Variants in WAPL observed in about 807,000 individuals in gnomAD.
WAPL encodes the protein WAPL cohesin release factor.
In WAPL, 5 loss-of-function variants were observed where a neutral mutation model predicts 121.0. The ratio of observed to expected loss-of-function variants is 0.04; its 90% confidence interval spans 0.02 to 0.09. The LOEUF is 0.09. Ranked by LOEUF, WAPL falls within the 10% of genes least tolerant of loss-of-function variation. The pLI, the probability that WAPL is intolerant of heterozygous loss-of-function variation, is 1.00. For missense variants in WAPL, 999 were observed against 1,410.8 expected, an observed-to-expected ratio of 0.71 and a Z score of 4.68; for synonymous variants, 480 against 481.5, an observed-to-expected ratio of 1.00 and a Z score of 0.04.
chr10:86,453,153 T>G, intron 14 of WAPL, 67 bp downstream of exon 14: 1 of 1,394,982 alleles, frequency 7.2e-7, no homozygotes, highest in East Asian at 2.8e-5. Context: ...AAACCCAAAC[T>G]AAGGTTAACA....
rs1227852424 is a variant in WAPL at position 86,472,168 on chromosome 10, A to T, written c.2030+40T>A. 14 of 1,514,536 alleles carry T rather than the reference A, an allele frequency of 9.2e-6. No homozygotes were observed. Among genetic ancestry groups the T allele is most frequent in the East Asian group, 2.4e-5 (1 of 41,940 alleles). 93.8% of individuals were successfully genotyped at this position (1,514,536 alleles called of 1,614,324 possible). ...ACACCTAGTTGAAAAAATTTAATACAGCATGCACATAATTGTAAAATATAA... is the reference window on the plus strand; with the variant it reads ...ACACCTAGTTGAAAAAATTTAATACTGCATGCACATAATTGTAAAATATAA... On this transcript the variant is annotated intron_variant, in intron 7 of 18. Coordinates refer to ENST00000298767, the MANE Select transcript of WAPL (RefSeq NM_015045.5). This position sits in a 1 kb window ranked among gnomAD's most constrained non-coding sequence, Gnocchi z 4.2.
At chr10:86,470,421 A>C (rs1054269427) in intron 8 of WAPL, among the ~76,000 whole-genome samples, 22 of 152,226 alleles carry the variant, frequency 1.4e-4, no homozygotes, top group Non-Finnish European at 1.5e-5. Flanking sequence ...CCATCTCAAA[A>C]TACTACTAAT....
At chr10:86,499,603 T>C (rs1162563625) in intron 3 of WAPL, 115 bp downstream of exon 3, 2 of 1,005,802 alleles carry the variant, frequency 2.0e-6, no homozygotes, top group African/African-American at 3.3e-5. Context: ...CTTATTATAC[T>C]GTACTCACCT....
At chr10:86,483,755 T>G (rs1040959249) in intron 4 of WAPL, among the ~76,000 whole-genome samples, 1 of 145,724 alleles carries the variant, frequency 6.9e-6, no homozygotes. Context: ...GGCTGGTGTA[T>G]CTTAAGTTTT....
rs1425658543 is a variant in WAPL, at chr10:86,521,756, C to T, written c.-414G>A. ...CTCAACGCCATTTGCGCTCCCGGCC[C>T]CCACCTCCTTCCTCCAACAGCCGCT... On this transcript the variant is annotated 5_prime_UTR_variant, in exon 1 of 19. Coordinates refer to ENST00000298767, the MANE Select transcript of WAPL (RefSeq NM_015045.5). 2.2e-6 allele frequency: 1 copy of T among 445,548 alleles called. No individual in the cohort carries two copies. 27.6% of individuals were successfully genotyped at this position (445,548 alleles called of 1,614,324 possible). A position where few individuals can be genotyped will look rare whatever the true frequency, so the allele number is the denominator to read the frequency against.
Position 86,500,503 on chromosome 10 carries a change from C to G in WAPL, c.740G>C (p.Arg247Thr), listed in dbSNP as rs777416367. The G allele has an allele frequency of 2.0e-5, 33 of 1,614,032 alleles. No homozygotes were observed. Among genetic ancestry groups the G allele is most frequent in the Admixed American group, 1.7e-4 (10 of 59,980 alleles). The change falls in exon 3 of 19, where the codon AGA (arginine) becomes ACA (threonine). Residue 247 changes from arginine to threonine, a missense_variant. By Grantham distance (71) the Arg-to-Thr change is moderately conservative. This residue lies in a region of WAPL where 531 missense variants were observed against 563.1 expected (regional missense o/e 0.94). Coordinates refer to ENST00000298767, the MANE Select transcript of WAPL (RefSeq NM_015045.5). ...FEWDNDFEDIRSEDCILSLDS... is the reference protein window; with the variant it reads ...FEWDNDFEDITSEDCILSLDS... ...CAAACTTAAAATACAGTCTTCTGAT[C>G]TGATATCTTCAAAATCATTATCCCA...
Position 86,500,217 on chromosome 10 carries a change from T to C in WAPL, c.1026A>G (p.Val342=), listed in dbSNP as rs577953412. 3.1e-6 allele frequency: 5 copies of C among 1,614,180 alleles called. No homozygotes were observed. Among genetic ancestry groups the C allele is most frequent in the Admixed American group, 1.7e-5 (1 of 60,024 alleles). The stretch of plus-strand genomic sequence containing the variant: ...TCCCTCTAAAACTGGTCCCACAACT[T>C]ACACCCCCTTTCTTTGCCTGATTCA... ...DGLNQAKKGG[V]SCGTSFRGTV... Residue 342 remains valine (V), a synonymous_variant, in exon 3 of 19, where the codon GTA becomes GTG. Coordinates refer to ENST00000298767, the MANE Select transcript of WAPL (RefSeq NM_015045.5).
Position 86,436,590 on chromosome 10 carries a change from TAGA to T in WAPL, c.*950_*952del, listed in dbSNP as rs780187665. 6.5e-6 allele frequency: 1 copy of T among 152,682 alleles called. No homozygotes were observed. The highest frequency in any genetic ancestry group is 1.5e-5 in the Non-Finnish European group (1 of 68,038). 9.5% of individuals were successfully genotyped at this position (152,682 alleles called of 1,614,324 possible). On this transcript the variant is annotated 3_prime_UTR_variant, in exon 19 of 19. Transcript: ENST00000298767. ...TTATGCAATTGATCCTGTCACTCTATAGAAGAATATACATGTTATCTGGAAACA... is the reference window on the plus strand; with the variant it reads ...TTATGCAATTGATCCTGTCACTCTATAGAATATACATGTTATCTGGAAACA...
chr10:86,436,329 A>G lies in WAPL; in HGVS notation c.*1214T>C, dbSNP rs1474908707. ...TGATGTAACTACCTGAAAGGTATTTAAAAGTATTAATGAAAAAGATCTCTA... is the reference window on the plus strand; with the variant it reads ...TGATGTAACTACCTGAAAGGTATTTGAAAGTATTAATGAAAAAGATCTCTA... On this transcript the variant is annotated 3_prime_UTR_variant, in exon 19 of 19. Transcript: ENST00000298767. The G allele has an allele frequency of 6.6e-6, 1 of 152,668 alleles. No homozygotes were observed. Among genetic ancestry groups the G allele is most frequent in the African/African-American group, 2.4e-5 (1 of 41,464 alleles). The allele number at this position is 152,668 out of a possible 1,614,324, so 9.5% of individuals were successfully genotyped here. A position where few individuals can be genotyped will look rare whatever the true frequency, so the allele number is the denominator to read the frequency against.
intron 11 of WAPL, among the ~76,000 whole-genome samples, chr10:86,459,943 G>A (rs1294192112): frequency 6.6e-6 from 1 of 151,996 alleles, no homozygotes; most frequent in African/African-American, 2.4e-5. Context: ...GCAAAACCCC[G>A]ACTCTACTAA....
At chr10:86,455,702 A>G (rs1319226438) in intron 12 of WAPL, among the ~76,000 whole-genome samples, 1 of 125,232 alleles carries the variant, frequency 8.0e-6, no homozygotes, top group Non-Finnish European at 1.9e-5. Context: ...AAAAAGAAAG[A>G]AAGAAAAAAA....
chr10:86,503,536 A>G (rs953325047), intron 2 of WAPL, among the ~76,000 whole-genome samples: 1 of 151,994 alleles, frequency 6.6e-6, no homozygotes, highest in African/African-American at 2.4e-5. Context: ...GTGGGTCATC[A>G]GGTCAGGAGA....
intron 16 of WAPL, among the ~76,000 whole-genome samples, chr10:86,445,348 G>A (rs1434707729): frequency 6.6e-6 from 1 of 152,124 alleles, no homozygotes; most frequent in Non-Finnish European, 1.5e-5. Context: ...GGCTGACTCT[G>A]TGGATGTGGA....
At chr10:86,476,789 A>G (rs547833736) in intron 4 of WAPL, among the ~76,000 whole-genome samples, 1 of 152,346 alleles carries the variant, frequency 6.6e-6, no homozygotes, top group South Asian at 2.1e-4. Context: ...TCGTAAGAAA[A>G]CAGAAATATA....
chr10:86,520,934 C>T (rs1169341099), intron 1 of WAPL, among the ~76,000 whole-genome samples: 1 of 152,132 alleles, frequency 6.6e-6, no homozygotes, highest in African/African-American at 2.4e-5. Flanking sequence ...GCCGGGGCGC[C>T]ACGGGCAGTG....
chr10:86,496,891 G>GC (rs11372473), intron 4 of WAPL, among the ~76,000 whole-genome samples: 3,117 of 151,938 alleles, frequency 0.021, 122 homozygotes, highest in African/African-American at 0.071. Flanking sequence ...TGCAGTGGGG[G>GC]AGGAAGTTAT....
intron 13 of WAPL, 122 bp downstream of exon 13, chr10:86,453,534 T>A: frequency 7.9e-7 from 1 of 1,269,978 alleles, no homozygotes; most frequent in Non-Finnish European, 1.1e-6. Context: ...TACACATGAG[T>A]AAGTCAAGTA....
intron 1 of WAPL, among the ~76,000 whole-genome samples, chr10:86,518,358 G>A (rs537200611): frequency 2.0e-5 from 3 of 152,246 alleles, no homozygotes; most frequent in South Asian, 2.1e-4. Context: ...CTTATAATAC[G>A]ATATCCATAA....
At chr10:86,474,778 C>A (rs891789660) in intron 4 of WAPL, among the ~76,000 whole-genome samples, 7 of 152,158 alleles carry the variant, frequency 4.6e-5, no homozygotes, top group Non-Finnish European at 8.8e-5. Context: ...TCAATGGGTT[C>A]TTTGGCAAAA....
Sources: gnomAD v4.1 joint callset for allele counts (sites outside exome capture counted in the v4.1 genomes callset) on GRCh38, gnomAD v4.1.1 for gene constraint, gnomAD v4.1.1 regional missense constraint, Gnocchi (gnomAD v3.1) non-coding constraint, MANE v1.5 for transcripts, NCBI Gene and HGNC (gene_info 2026-07-23, HGNC 2026-07-21) for gene names.